CCSER1: variants seen among roughly 807,000 people sequenced by gnomAD.
CCSER1 encodes coiled-coil serine rich protein 1, also known as serine-rich coiled-coil domain-containing protein 1.
CCSER1 carries 41 observed loss-of-function variants against 82.0 expected under a neutral mutation model. That is an observed-to-expected ratio of 0.50 (90% CI 0.39 to 0.65). The LOEUF (loss-of-function observed/expected upper bound fraction) is 0.65. CCSER1 is among the 30% of genes least tolerant of loss of function. The pLI is 0.00. For synonymous variants in CCSER1, 414 were observed against 383.9 expected, an observed-to-expected ratio of 1.08 and a Z score of -0.92; for missense variants, 1,119 against 1,064.2, an observed-to-expected ratio of 1.05 and a Z score of -0.72.
At chr4:90,167,648 C>T (rs546260853) in intron 1 of CCSER1, among the ~76,000 whole-genome samples, 57 of 151,854 alleles carry the variant, frequency 3.8e-4, no homozygotes, top group African/African-American at 1.4e-3. Context: ...CAACAGGCCC[C>T]GGTGTGTGAT....
intron 1 of CCSER1, among the ~76,000 whole-genome samples, chr4:90,264,407 A>G (rs968197513): frequency 3.3e-5 from 5 of 152,190 alleles, no homozygotes; most frequent in Admixed American, 6.5e-5. Context: ...TCAGTCTAGT[A>G]CTAACTGGGG....
intron 5 of CCSER1, among the ~76,000 whole-genome samples, chr4:90,529,932 AT>A (rs1188033895): frequency 2.2e-5 from 3 of 135,276 alleles, no homozygotes; most frequent in Non-Finnish European, 4.7e-5. Context: ...AGCATATTAA[AT>A]AGAATATATA....
At chr4:90,999,165 C>T (rs924411604) in intron 9 of CCSER1, among the ~76,000 whole-genome samples, 3 of 152,144 alleles carry the variant, frequency 2.0e-5, no homozygotes, top group African/African-American at 7.2e-5. Context: ...CATATCTTTG[C>T]TATTGTGAAT....
intron 1 of CCSER1, among the ~76,000 whole-genome samples, chr4:90,248,599 C>G (rs139327770): frequency 2.7e-4 from 41 of 152,242 alleles, no homozygotes; most frequent in South Asian, 8.3e-4. Flanking sequence ...CTCTCCGATG[C>G]TACTTCTCTG....
At chr4:91,299,716 A>G (rs941964673) in intron 10 of CCSER1, among the ~76,000 whole-genome samples, 1 of 151,916 alleles carries the variant, frequency 6.6e-6, no homozygotes, top group Non-Finnish European at 1.5e-5. Flanking sequence ...TGCAAAATTG[A>G]CAAATGGTAC....
At chr4:91,245,141 A>G (rs1310882555) in intron 10 of CCSER1, among the ~76,000 whole-genome samples, 1 of 152,154 alleles carries the variant, frequency 6.6e-6, no homozygotes, top group Non-Finnish European at 1.5e-5. Flanking sequence ...CACCTGCAAG[A>G]TCTGGAAAAT....
intron 7 of CCSER1, among the ~76,000 whole-genome samples, chr4:90,778,044 T>C (rs997044265): frequency 6.6e-5 from 10 of 152,172 alleles, no homozygotes; most frequent in African/African-American, 2.4e-4. Flanking sequence ...ATTCATTTGG[T>C]TTAATATCTG....
At chr4:91,325,059 C>G (rs1746458432) in intron 10 of CCSER1, 2 of 406,734 alleles carry the variant, frequency 4.9e-6, no homozygotes, top group Admixed American at 6.1e-5. Context: ...ACCTGTGGGG[C>G]AAGGGGCTTG....
At chr4:90,648,572 A>G (rs1229291326) in intron 6 of CCSER1, among the ~76,000 whole-genome samples, 3 of 57,826 alleles carry the variant, frequency 5.2e-5, no homozygotes, top group Non-Finnish European at 8.9e-5. Flanking sequence ...ATGAGGTTAT[A>G]AGAGTAGGGC....
At chr4:91,436,161 G>A (rs1294362873) in intron 10 of CCSER1, among the ~76,000 whole-genome samples, 4 of 152,044 alleles carry the variant, frequency 2.6e-5, no homozygotes, top group Non-Finnish European at 5.9e-5. Context: ...AATTACTTTT[G>A]CACCAACCTA....
intron 3 of CCSER1, 52 bp from the exon 4 acceptor site, chr4:90,399,984 C>T: frequency 1.0e-6 from 1 of 992,640 alleles, no homozygotes; most frequent in Non-Finnish European, 1.6e-6. Flanking sequence ...TGAGTATTTC[C>T]TCATTTACTC....
intron 8 of CCSER1, chr4:90,839,160 A>G: frequency 1.3e-6 from 1 of 756,190 alleles, no homozygotes; most frequent in Non-Finnish European, 2.3e-6. Flanking sequence ...TATATTGCTA[A>G]CTTCTTTGAG....
At chr4:91,032,817 C>G (rs1741099999) in intron 9 of CCSER1, among the ~76,000 whole-genome samples, 1 of 152,142 alleles carries the variant, frequency 6.6e-6, no homozygotes. Flanking sequence ...GTTTCTGATT[C>G]AGTAAGTCTT....
At chr4:91,380,159 A>T (rs1403714592) in intron 10 of CCSER1, among the ~76,000 whole-genome samples, 1 of 152,140 alleles carries the variant, frequency 6.6e-6, no homozygotes, top group Non-Finnish European at 1.5e-5. Flanking sequence ...GGAGTGCTTT[A>T]CTTCCAACTA....
intron 10 of CCSER1, among the ~76,000 whole-genome samples, chr4:91,126,110 T>G (rs1021185696): frequency 2.6e-5 from 4 of 151,782 alleles, no homozygotes; most frequent in African/African-American, 9.7e-5. Flanking sequence ...AAGATAAATT[T>G]TTTGTATATA....
intron 10 of CCSER1, among the ~76,000 whole-genome samples, chr4:91,399,644 G>A (rs1752200861): frequency 1.3e-5 from 2 of 151,800 alleles, no homozygotes. Context: ...CAGCTTTCAG[G>A]TCCAAGACTT....
intron 1 of CCSER1, among the ~76,000 whole-genome samples, chr4:90,257,596 G>A (rs1723572543): frequency 6.7e-6 from 1 of 149,956 alleles, no homozygotes; most frequent in Non-Finnish European, 1.5e-5. Context: ...TACTTAGATA[G>A]ATAAAGAAGG....
At chr4:90,498,092 C>T (rs554133219) in intron 5 of CCSER1, among the ~76,000 whole-genome samples, 4 of 152,064 alleles carry the variant, frequency 2.6e-5, no homozygotes, top group African/African-American at 9.6e-5. Flanking sequence ...TTCCAAGATC[C>T]CCAGTGGATG....
chr4:90,831,819 TAAGAG>T (rs986448575), intron 8 of CCSER1, among the ~76,000 whole-genome samples: 10 of 152,170 alleles, frequency 6.6e-5, no homozygotes, highest in South Asian at 2.1e-4. Context: ...AGTTATCTAA[TAAGAG>T]AAGAGGAAAA....
Sources: gnomAD v4.1 joint callset for allele counts (sites outside exome capture counted in the v4.1 genomes callset) on GRCh38, gnomAD v4.1.1 for gene constraint, MANE v1.5 for transcripts, NCBI Gene and HGNC (gene_info 2026-07-23, HGNC 2026-07-21) for gene names.